GLUD1: variants seen among roughly 807,000 people sequenced by gnomAD.
GLUD1 encodes the protein glutamate dehydrogenase 1, mitochondrial.
A neutral mutation model predicts 56.0 loss-of-function variants in GLUD1; 22 were observed. That is an observed-to-expected ratio of 0.39 (90% CI 0.28 to 0.56). GLUD1 has a LOEUF of 0.56. Ranked by LOEUF, GLUD1 falls within the 20% of genes least tolerant of loss-of-function variation. The pLI is 0.58. For missense variants in GLUD1, 451 were observed against 732.0 expected, an observed-to-expected ratio of 0.62 and a Z score of 4.43; for synonymous variants, 223 against 269.9, an observed-to-expected ratio of 0.83 and a Z score of 1.70.
intron 5 of GLUD1, chr10:87,067,792 A>T: frequency 2.4e-6 from 1 of 408,708 alleles, no homozygotes; most frequent in Non-Finnish European, 4.6e-6. Flanking sequence ...TCAGAATTGG[A>T]TGCTTCTTGA....
At chr10:87,076,441 G>A (rs1343591302) in intron 2 of GLUD1, 135 bp downstream of exon 2, 1 of 693,654 alleles carries the variant, frequency 1.4e-6, no homozygotes, top group South Asian at 1.6e-5. Context: ...GAAAAATGAT[G>A]CAGGTCTTAA....
chr10:87,075,783 A>G (rs1846370688), intron 3 of GLUD1, among the ~76,000 whole-genome samples, 185 bp downstream of exon 3: 1 of 152,144 alleles, frequency 6.6e-6, no homozygotes, highest in East Asian at 1.9e-4. Flanking sequence ...TTAGTCGGGC[A>G]TGGTGGCGTG....
chr10:87,064,928 C>T (rs1048915405), intron 5 of GLUD1, among the ~76,000 whole-genome samples: 2 of 152,194 alleles, frequency 1.3e-5, no homozygotes, highest in African/African-American at 4.8e-5. Flanking sequence ...CTCCCACCTA[C>T]ACTGCACTTC....
At position 87,051,698 on chromosome 10, in the gene GLUD1, G is replaced by A; in HGVS notation, c.*53C>T. On this transcript the variant is annotated 3_prime_UTR_variant, in exon 13 of 13. Coordinates refer to ENST00000277865, the MANE Select transcript of GLUD1 (RefSeq NM_005271.5). The stretch of plus-strand genomic sequence containing the variant: ...GTGGTTACATGTAAACTTGTGATAG[G>A]TCTGCAGAAGTTACATGTGAAGAGG... The A allele has an allele frequency of 6.3e-7, 1 of 1,589,360 alleles. No individual in the cohort carries two copies.
chr10:87,089,324 C>T (rs1483196133), intron 1 of GLUD1, among the ~76,000 whole-genome samples: 1 of 152,206 alleles, frequency 6.6e-6, no homozygotes, highest in Non-Finnish European at 1.5e-5. Flanking sequence ...AACCTCAACT[C>T]CACTACGTAC....
At chr10:87,086,561 C>T (rs1454565458) in intron 1 of GLUD1, among the ~76,000 whole-genome samples, 1 of 152,084 alleles carries the variant, frequency 6.6e-6, no homozygotes, top group African/African-American at 2.4e-5. Flanking sequence ...CGGTGGCTCA[C>T]GCCTGTAATC....
At chr10:87,056,969 C>G (rs1208447621) in intron 11 of GLUD1, among the ~76,000 whole-genome samples, 1 of 151,566 alleles carries the variant, frequency 6.6e-6, no homozygotes, top group Non-Finnish European at 1.5e-5. Flanking sequence ...TCCATCCCTC[C>G]TTTCTTTTTT....
chr10:87,060,070 G>GACT (rs932034418), intron 9 of GLUD1, 91 bp downstream of exon 9: 6 of 840,094 alleles, frequency 7.1e-6, no homozygotes, highest in Non-Finnish European at 1.3e-5. Flanking sequence ...AGAGCTTGGA[G>GACT]ACTAATAATT....
intron 4 of GLUD1, 106 bp from the exon 5 acceptor site, chr10:87,068,263 A>T: frequency 1.4e-6 from 1 of 725,116 alleles, no homozygotes. Flanking sequence ...CCATGGCTAG[A>T]AAACTTTAGA....
chr10:87,053,070 G>A (rs566661286), intron 12 of GLUD1, among the ~76,000 whole-genome samples: 1 of 152,240 alleles, frequency 6.6e-6, no homozygotes, highest in South Asian at 2.1e-4. Context: ...ATCCAGTTTG[G>A]CTAACTACTC....
intron 1 of GLUD1, among the ~76,000 whole-genome samples, chr10:87,084,848 T>C (rs901249562): frequency 4.6e-5 from 7 of 152,240 alleles, no homozygotes; most frequent in African/African-American, 1.4e-4. Flanking sequence ...CATCAGATTA[T>C]ATTTTTTCAC....
chr10:87,074,617 G>A lies in GLUD1; in HGVS notation c.583-3C>T. The A allele has an allele frequency of 1.3e-6, 2 of 1,549,808 alleles. No homozygotes were observed. Among genetic ancestry groups the A allele is most frequent in the Non-Finnish European group, 1.8e-6 (2 of 1,122,794 alleles). On this transcript the variant is annotated splice_polypyrimidine_tract_variant and splice_region_variant and intron_variant, in intron 3 of 12. Coordinates refer to ENST00000277865, the MANE Select transcript of GLUD1 (RefSeq NM_005271.5). ...GTGATCTTTTCCAATTCATTATCCTGTAAAATAAGAAAACAAAAACAAAAG... is the reference window on the plus strand; with the variant it reads ...GTGATCTTTTCCAATTCATTATCCTATAAAATAAGAAAACAAAAACAAAAG...
chr10:87,079,936 C>CCACGG (rs1478226999), intron 1 of GLUD1, among the ~76,000 whole-genome samples: 2 of 134,938 alleles, frequency 1.5e-5, no homozygotes, highest in African/African-American at 5.8e-5. Flanking sequence ...CCCCCTCTCC[C>CCACGG]TCTCCCTCTC....
intron 5 of GLUD1, chr10:87,067,742 C>CCTTA (rs1157963137): frequency 8.8e-5 from 31 of 350,710 alleles, no homozygotes; most frequent in African/African-American, 6.3e-4. Context: ...TGCTTATGCA[C>CCTTA]CTTAGTTCCT....
At chr10:87,071,556 T>G (rs1846239330) in intron 4 of GLUD1, among the ~76,000 whole-genome samples, 1 of 152,194 alleles carries the variant, frequency 6.6e-6, no homozygotes, top group Non-Finnish European at 1.5e-5. Flanking sequence ...AAGCAACTTT[T>G]CTAACAGCAT....
At chr10:87,082,317 A>AT (rs1841281435) in intron 1 of GLUD1, among the ~76,000 whole-genome samples, 1 of 152,246 alleles carries the variant, frequency 6.6e-6, no homozygotes, top group African/African-American at 2.4e-5. Flanking sequence ...ATGAGTCAGA[A>AT]ACTGTGTGTG....
chr10:87,066,326 G>A (rs1454261932), intron 5 of GLUD1, among the ~76,000 whole-genome samples: 1 of 152,096 alleles, frequency 6.6e-6, no homozygotes, highest in Non-Finnish European at 1.5e-5. Context: ...TGCACACTTA[G>A]CTGAGTCACA....
At chr10:87,076,174 A>C (rs1846388503) in intron 2 of GLUD1, 151 bp from the exon 3 acceptor site, 3 of 698,528 alleles carry the variant, frequency 4.3e-6, no homozygotes, top group Non-Finnish European at 7.6e-6. Context: ...TCTAAACTGT[A>C]CTTTAAACAA....
Position 87,060,840 on chromosome 10 carries a change from A to G in GLUD1, c.1060-15T>C, listed in dbSNP as rs1845911742. 1 of 1,614,078 alleles carries G rather than the reference A, an allele frequency of 6.2e-7. No individual in the cohort carries two copies. Among genetic ancestry groups the G allele is most frequent in the African/African-American group, 1.3e-5 (1 of 74,922 alleles). On this transcript the variant is annotated splice_polypyrimidine_tract_variant and intron_variant, in intron 7 of 12. Coordinates refer to ENST00000277865, the MANE Select transcript of GLUD1 (RefSeq NM_005271.5). ...GACCCATGTTGCTGCCATTGATTGAAAATCACAATTAATAGCTGCACCAGA... is the reference window on the plus strand; with the variant it reads ...GACCCATGTTGCTGCCATTGATTGAGAATCACAATTAATAGCTGCACCAGA...
Sources: gnomAD v4.1 joint callset for allele counts (sites outside exome capture counted in the v4.1 genomes callset) on GRCh38, gnomAD v4.1.1 for gene constraint, MANE v1.5 for transcripts, NCBI Gene and HGNC (gene_info 2026-07-23, HGNC 2026-07-21) for gene names.